The following FARP1 variants were observed in gnomAD, a reference collection of about 807,000 sequenced individuals.
FARP1 encodes FERM, ARHGEF and pleckstrin domain-containing protein 1.
FARP1 carries 52 observed loss-of-function variants against 128.8 expected under a neutral mutation model. The ratio of observed to expected loss-of-function variants is 0.40; its 90% confidence interval spans 0.32 to 0.51. The LOEUF (loss-of-function observed/expected upper bound fraction) is 0.51, where lower values mean the gene tolerates loss of function less well. Among genes scored for constraint, FARP1 ranks in the 20% least tolerant of loss-of-function variants. The pLI is 0.45. For missense variants in FARP1, 1,333 were observed against 1,367.9 expected (o/e 0.97, Z 0.40); for synonymous variants, 580 against 551.8 (o/e 1.05, Z -0.72).
At chr13:98,447,729 G>T (rs1321082641) in intron 26 of FARP1, 1 of 157,184 alleles carries the variant, frequency 6.4e-6, no homozygotes, top group Admixed American at 6.3e-5. Context: ...CAAGCCTGTA[G>T]TCCCATCTCC....
intron 2 of FARP1, among the ~76,000 whole-genome samples, chr13:98,286,881 C>T (rs1885195200): frequency 6.6e-6 from 1 of 152,162 alleles, no homozygotes; most frequent in Non-Finnish European, 1.5e-5. Context: ...TTCAGGGATC[C>T]TTGCTGTACT....
chr13:98,418,959 A>G (rs1421944438), intron 16 of FARP1, among the ~76,000 whole-genome samples: 3 of 152,156 alleles, frequency 2.0e-5, no homozygotes, highest in Admixed American at 2.0e-4. Context: ...GCTTTGAGCA[A>G]CCTAAGAGTG....
chr13:98,286,277 GC>G (rs1483349083), intron 2 of FARP1, among the ~76,000 whole-genome samples: 1 of 152,046 alleles, frequency 6.6e-6, no homozygotes, highest in Non-Finnish European at 1.5e-5. Context: ...ATTTCATAGA[GC>G]CCTCCTGTGA....
chr13:98,333,085 C>G (rs549782866), intron 2 of FARP1: 1 of 152,196 alleles, frequency 6.6e-6, no homozygotes, highest in Non-Finnish European at 1.5e-5. Flanking sequence ...GCCAATCTTA[C>G]TAGACATGAG....
intron 2 of FARP1, among the ~76,000 whole-genome samples, chr13:98,303,342 T>C (rs982771213): frequency 1.1e-4 from 17 of 152,244 alleles, no homozygotes; most frequent in Admixed American, 9.8e-4. Context: ...AGAAATGTAC[T>C]AAAAAGTCAT....
intron 1 of FARP1, among the ~76,000 whole-genome samples, chr13:98,160,479 G>A (rs910954155): frequency 4.6e-5 from 7 of 152,030 alleles, no homozygotes; most frequent in Admixed American, 6.6e-5. Context: ...AAATAGCCTC[G>A]TTTCTTTAAA....
chr13:98,249,958 G>A (rs139656726), intron 2 of FARP1, among the ~76,000 whole-genome samples: 1 of 152,246 alleles, frequency 6.6e-6, no homozygotes, highest in East Asian at 1.9e-4. Context: ...GGTTTAGATT[G>A]TTGACCTGTT....
chr13:98,240,322 G>A (rs1483090123), intron 2 of FARP1, among the ~76,000 whole-genome samples: 2 of 152,192 alleles, frequency 1.3e-5, no homozygotes, highest in Admixed American at 6.5e-5. Flanking sequence ...AGCTGCTTTG[G>A]CCTTGGTGGG....
At chr13:98,309,155 T>C (rs1387724241) in intron 2 of FARP1, among the ~76,000 whole-genome samples, 5 of 6,440 alleles carry the variant, frequency 7.8e-4, no homozygotes, top group Non-Finnish European at 1.3e-3. Flanking sequence ...TAAGAGGCCT[T>C]TTTTTTTTTT....
chr13:98,278,225 ATGTG>A (rs1276581999), intron 2 of FARP1, among the ~76,000 whole-genome samples: 5 of 149,584 alleles, frequency 3.3e-5, no homozygotes, highest in Non-Finnish European at 5.9e-5. Context: ...GTGTGAGTGT[ATGTG>A]TGAGAACATG....
At chr13:98,442,513 C>T (rs1378253465) in intron 24 of FARP1, among the ~76,000 whole-genome samples, 1 of 152,236 alleles carries the variant, frequency 6.6e-6, no homozygotes, top group Non-Finnish European at 1.5e-5. Context: ...ACATACGAGG[C>T]TCTGTCCCAT....
chr13:98,453,248 T>C lies in FARP1; in HGVS notation c.*4931T>C, dbSNP rs1386974681. 1 of 1,601,296 alleles carries C rather than the reference T, an allele frequency of 6.2e-7. No homozygotes were observed. Among genetic ancestry groups the C allele is most frequent in the Non-Finnish European group, 8.5e-7 (1 of 1,174,114 alleles). ...GAGAGAGAGAAGTCAACACATGTCATTTCTCATCCCTGTGCAAAAATTCAT... is the reference window on the plus strand; with the variant it reads ...GAGAGAGAGAAGTCAACACATGTCACTTCTCATCCCTGTGCAAAAATTCAT... On this transcript the variant is annotated 3_prime_UTR_variant, in exon 27 of 27. Transcript: ENST00000319562.
chr13:98,183,369 C>G (rs1445667908), intron 1 of FARP1, among the ~76,000 whole-genome samples: 1 of 152,088 alleles, frequency 6.6e-6, no homozygotes, highest in Non-Finnish European at 1.5e-5. Context: ...AACTTCATAT[C>G]TAGTCTCTGA....
chr13:98,260,070 C>G (rs1196286646), intron 2 of FARP1, among the ~76,000 whole-genome samples: 1 of 152,054 alleles, frequency 6.6e-6, no homozygotes, highest in Non-Finnish European at 1.5e-5. Flanking sequence ...ATTGCATCTG[C>G]TAGGTGGGCG....
At chr13:98,353,115 C>A (rs79209955) in intron 3 of FARP1, among the ~76,000 whole-genome samples, 4,441 of 152,192 alleles carry the variant, frequency 0.029, 95 homozygotes, top group Non-Finnish European at 0.043. Context: ...GGGGATGGTG[C>A]GAAGCCATTC....
Position 98,379,069 on chromosome 13 carries a change from ATATG to A in FARP1, c.496+1154_496+1157del, listed in dbSNP as rs1275578752. Among the ~76,000 whole-genome samples, 14 of 89,758 alleles carry A rather than the reference ATATG, an allele frequency of 1.6e-4. 4 individuals carry two copies. The highest frequency in any genetic ancestry group is 7.3e-4 in the African/African-American group (14 of 19,200). 58.9% of individuals were successfully genotyped at this position (89,758 alleles called of 152,430 possible). A position where few individuals can be genotyped will look rare whatever the true frequency, so the allele number is the denominator to read the frequency against. On this transcript the variant is annotated intron_variant, in intron 6 of 26. Coordinates refer to ENST00000319562, the MANE Select transcript of FARP1 (RefSeq NM_005766.4). ...ATGTAATCTATATATAATATATAAT[ATATG>A]TAATATGTAATCTATATATAATATA...
At chr13:98,431,307 G>A (rs923488619) in intron 18 of FARP1, 27 bp downstream of exon 18, 12 of 1,504,978 alleles carry the variant, frequency 8.0e-6, no homozygotes, top group Admixed American at 7.6e-5. Flanking sequence ...TGCGCCACCT[G>A]GTGCCCATGC....
intron 1 of FARP1, among the ~76,000 whole-genome samples, chr13:98,147,002 C>A (rs1465842557): frequency 6.6e-6 from 1 of 152,170 alleles, no homozygotes; most frequent in African/African-American, 2.4e-5. Context: ...CCAGGAAGAT[C>A]AGAGCCAAAC....
intron 3 of FARP1, among the ~76,000 whole-genome samples, chr13:98,361,554 G>A (rs1388605293): frequency 6.6e-6 from 1 of 152,162 alleles, no homozygotes; most frequent in African/African-American, 2.4e-5. Flanking sequence ...TTAGTGGCTG[G>A]GACAGCAGGC....
Sources: allele counts gnomAD v4.1 joint callset (sites outside exome capture counted in the v4.1 genomes callset), GRCh38; gene constraint gnomAD v4.1.1; transcripts MANE v1.5; gene names NCBI Gene and HGNC (gene_info 2026-07-23, HGNC 2026-07-21).